Variants in SLC4A4 observed in about 807,000 individuals in gnomAD.
SLC4A4 encodes electrogenic sodium bicarbonate cotransporter 1.
A neutral mutation model predicts 111.5 loss-of-function variants in SLC4A4; 27 were observed. That is an observed-to-expected ratio of 0.24 (90% CI 0.18 to 0.33). The LOEUF is 0.33. Ranked by LOEUF, SLC4A4 falls within the 10% of genes least tolerant of loss-of-function variation. SLC4A4 has a pLI of 1.00. For missense variants in SLC4A4, 909 were observed against 1,315.5 expected (o/e 0.69, Z 4.78); for synonymous variants, 443 against 463.4 (o/e 0.96, Z 0.57).
In SLC4A4 at chr4:71,255,239, C is replaced by T. The variant is rs768757904; in HGVS notation, c.93C>T (p.Ile31=). Residue 31 remains isoleucine, a synonymous_variant, in exon 3 of 26, where the codon ATC becomes ATT. Transcript: ENST00000264485. ...CCTTAGGCCACCATACCATTTACAT[C>T]GGAGTCCATGTGCCGAAGAGTTACA... The part of the protein sequence containing the change: ...EEVEGHHTIY[I]GVHVPKSYRR... 7.4e-6 allele frequency: 12 copies of T among 1,613,262 alleles called. No homozygotes were observed. The highest frequency in any genetic ancestry group is 6.7e-5 in the Admixed American group (4 of 59,988).
chr4:71,503,638 G>A (rs1392801100), intron 16 of SLC4A4, among the ~76,000 whole-genome samples: 2 of 151,968 alleles, frequency 1.3e-5, no homozygotes, highest in South Asian at 2.1e-4. Context: ...CTTATCTACT[G>A]TGTGTTTCTT....
At position 71,166,302 on chromosome 4, in the gene SLC4A4, C is replaced by T. The variant is rs72860067; in HGVS notation, c.-1-70274C>T. Among the ~76,000 whole-genome samples, 810 of 152,258 alleles carry T rather than the reference C, an allele frequency of 5.3e-3. 9 individuals are homozygous for T. The highest frequency in any genetic ancestry group is 0.019 in the African/African-American group (775 of 41,552). On this transcript the variant is annotated intron_variant, in intron 2 of 26. Coordinates refer to the SLC4A4 transcript ENST00000649996. ...CACTCAAAGGATAGCAGGTCCTAATCCCTAGGAAAATAATATACTTTTAAA... is the reference window on the plus strand; with the variant it reads ...CACTCAAAGGATAGCAGGTCCTAATTCCTAGGAAAATAATATACTTTTAAA...
chr4:71,431,326 C>T (rs989458482), intron 7 of SLC4A4, among the ~76,000 whole-genome samples: 1 of 151,990 alleles, frequency 6.6e-6, no homozygotes, highest in Non-Finnish European at 1.5e-5. Flanking sequence ...GGGAAAGCCT[C>T]TCTGATGAGA....
chr4:71,350,186 TTC>T (rs1729689269), intron 5 of SLC4A4, 114 bp downstream of exon 5: 1 of 1,052,220 alleles, frequency 9.5e-7, no homozygotes. Flanking sequence ...ATAACATTTA[TTC>T]TCTCTTTTTG....
chr4:71,127,186 C>T (rs1392019787), intron 2 of SLC4A4, among the ~76,000 whole-genome samples: 2 of 152,176 alleles, frequency 1.3e-5, no homozygotes, highest in African/African-American at 2.4e-5. Context: ...TGTAGTCAAA[C>T]GATCTTACCT....
Position 71,547,669 on chromosome 4 carries a change from C to G in SLC4A4, c.2643C>G (p.Thr881=), listed in dbSNP as rs374748256. 1.1e-5 allele frequency: 17 copies of G among 1,611,636 alleles called. No homozygotes were observed. The highest frequency in any genetic ancestry group is 4.0e-5 in the African/African-American group (3 of 74,684). ...LGVREQRVTG[T]LVFILTGLSV... is the part of the protein sequence containing the mutation. ...TCAGGGAACAAAGAGTCACTGGAACCCTTGTGTTTATTCTGACTGGTCTGT... is the reference window on the plus strand; with the variant it reads ...TCAGGGAACAAAGAGTCACTGGAACGCTTGTGTTTATTCTGACTGGTCTGT... The change falls in exon 20 of 26, where the codon ACC becomes ACG. Residue 881 remains threonine, a synonymous_variant. Transcript: ENST00000264485.
intron 15 of SLC4A4, among the ~76,000 whole-genome samples, chr4:71,492,202 G>A (rs1950551580): frequency 6.6e-6 from 1 of 151,266 alleles, no homozygotes; most frequent in African/African-American, 2.4e-5. Context: ...TTTTAAATAT[G>A]CACTAAAATA....
chr4:71,092,836 C>T (rs974423723), intron 2 of SLC4A4, among the ~76,000 whole-genome samples: 6 of 152,184 alleles, frequency 3.9e-5, no homozygotes, highest in Admixed American at 3.9e-4. Context: ...GTGGCTCACG[C>T]CTGTAATCCC....
intron 1 of SLC4A4, among the ~76,000 whole-genome samples, chr4:71,200,096 G>A (rs554005426): frequency 6.6e-6 from 1 of 152,170 alleles, no homozygotes; most frequent in African/African-American, 2.4e-5. Context: ...TGATTGTCTG[G>A]GGATGTGGGA....
rs149327317 is a variant in SLC4A4 at position 71,151,643 on chromosome 4, G to A, written c.-2+58851G>A. 2.1e-4 allele frequency among the ~76,000 whole-genome samples: 32 copies of A among 151,382 alleles called. 1 individual carries two copies. Among genetic ancestry groups the A allele is most frequent in the African/African-American group, 6.3e-4 (26 of 41,204 alleles). ...TACGTAAAAAATATTTCCTGTCTGC[G>A]CATGGTGGCTCACACCTGTAATCCC... On this transcript the variant is annotated intron_variant, in intron 2 of 26. Coordinates refer to the SLC4A4 transcript ENST00000649996.
At chr4:71,201,272 T>G (rs1476455927) in intron 1 of SLC4A4, among the ~76,000 whole-genome samples, 1 of 152,194 alleles carries the variant, frequency 6.6e-6, no homozygotes, top group East Asian at 1.9e-4. Flanking sequence ...AGAGATCCTT[T>G]AGAGTTGCCC....
intron 3 of SLC4A4, among the ~76,000 whole-genome samples, chr4:71,332,771 ATTC>A (rs1461255238): frequency 7.9e-5 from 12 of 152,106 alleles, no homozygotes; most frequent in African/African-American, 2.7e-4. Flanking sequence ...GAGCTCACTA[ATTC>A]TTCTGCTTAA....
At chr4:71,429,198 T>TGTGGGTTATCCCACCCATATAG (rs1723424657) in intron 7 of SLC4A4, among the ~76,000 whole-genome samples, 1 of 152,032 alleles carries the variant, frequency 6.6e-6, no homozygotes, top group Non-Finnish European at 1.5e-5. Flanking sequence ...ATAGATAACC[T>TGTGGGTTATCCCACCCATATAG]AAAATATGTG....
At chr4:71,090,747 C>G (rs1328468299) in intron 1 of SLC4A4, among the ~76,000 whole-genome samples, 1 of 152,160 alleles carries the variant, frequency 6.6e-6, no homozygotes, top group Non-Finnish European at 1.5e-5. Flanking sequence ...TTCAGAGTGA[C>G]TTTTTCTTCC....
At chr4:71,317,511 G>A (rs984608063) in intron 3 of SLC4A4, among the ~76,000 whole-genome samples, 1 of 152,092 alleles carries the variant, frequency 6.6e-6, no homozygotes, top group Admixed American at 6.6e-5. Context: ...TGTAGGAAAA[G>A]TTTAATACTC....
intron 2 of SLC4A4, among the ~76,000 whole-genome samples, chr4:71,116,835 G>A (rs924404904): frequency 1.3e-5 from 2 of 151,932 alleles, no homozygotes; most frequent in Non-Finnish European, 2.9e-5. Context: ...CCCAGCTACT[G>A]AGGAGGCTGA....
chr4:71,484,024 T>G (rs904058490), intron 14 of SLC4A4, among the ~76,000 whole-genome samples: 92 of 151,476 alleles, frequency 6.1e-4, no homozygotes, highest in Non-Finnish European at 8.3e-4. Flanking sequence ...ATAGGGCTGG[T>G]TTTTTTTCTT....
At chr4:71,089,231 A>G (rs1403399025) in intron 1 of SLC4A4, among the ~76,000 whole-genome samples, 2 of 151,850 alleles carry the variant, frequency 1.3e-5, no homozygotes, top group African/African-American at 4.9e-5. Flanking sequence ...GTTTTGTGCC[A>G]TGGTTTTCAG....
chr4:71,351,229 G>A (rs531160253), intron 5 of SLC4A4, among the ~76,000 whole-genome samples: 64 of 152,288 alleles, frequency 4.2e-4, no homozygotes, highest in African/African-American at 1.4e-3. Flanking sequence ...TCACTTACCC[G>A]TAATGTCTTG....
Sources: allele counts gnomAD v4.1 joint callset (sites outside exome capture counted in the v4.1 genomes callset), GRCh38; gene constraint gnomAD v4.1.1; transcripts MANE v1.5; gene names NCBI Gene and HGNC (gene_info 2026-07-23, HGNC 2026-07-21).